Variants in PRKG1 observed in about 807,000 individuals in gnomAD.
The protein encoded by PRKG1 is protein kinase cGMP-dependent 1, also known as cGMP-dependent protein kinase 1.
In PRKG1, 35 loss-of-function variants were observed where a neutral mutation model predicts 88.1. That is an observed-to-expected ratio of 0.40 (90% CI 0.30 to 0.53). PRKG1 has a LOEUF of 0.53. Among genes scored for constraint, PRKG1 ranks in the 20% least tolerant of loss-of-function variants. The pLI is 0.59. For missense variants in PRKG1, 540 were observed against 839.8 expected, an observed-to-expected ratio of 0.64 and a Z score of 4.41; for synonymous variants, 303 against 292.5, an observed-to-expected ratio of 1.04 and a Z score of -0.37.
At chr10:51,628,616 A>G (rs924331562) in intron 3 of PRKG1, among the ~76,000 whole-genome samples, 2 of 152,232 alleles carry the variant, frequency 1.3e-5, no homozygotes, top group Non-Finnish European at 2.9e-5. Flanking sequence ...TAAATTAAGT[A>G]GACTATTCTG....
chr10:51,029,319 C>CTG (rs1389588661), intron 1 of PRKG1, among the ~76,000 whole-genome samples: 2 of 152,142 alleles, frequency 1.3e-5, no homozygotes, highest in Admixed American at 1.3e-4. Context: ...TAACCAAGGG[C>CTG]TGTGTCATCA....
intron 2 of PRKG1, among the ~76,000 whole-genome samples, chr10:51,180,387 G>A (rs1837312380): frequency 6.6e-6 from 1 of 152,152 alleles, no homozygotes; most frequent in Non-Finnish European, 1.5e-5. Context: ...GTTTGCTTTT[G>A]CTGTCTGCTT....
chr10:51,099,050 G>C (rs1844613263), intron 1 of PRKG1, among the ~76,000 whole-genome samples: 1 of 152,126 alleles, frequency 6.6e-6, no homozygotes, highest in Middle Eastern at 3.2e-3. Flanking sequence ...ACAGTCTATA[G>C]AACATTGCCT....
chr10:51,252,252 C>G (rs1429323855), intron 2 of PRKG1, among the ~76,000 whole-genome samples: 2 of 151,756 alleles, frequency 1.3e-5, no homozygotes, highest in East Asian at 3.8e-4. Context: ...AATTGCAAGT[C>G]TTCAGGTGAT....
At chr10:51,452,720 T>C (rs1839471553) in intron 2 of PRKG1, among the ~76,000 whole-genome samples, 2 of 152,108 alleles carry the variant, frequency 1.3e-5, no homozygotes, top group South Asian at 4.1e-4. Flanking sequence ...TTGTTGCATC[T>C]GTGTTCATCA....
intron 3 of PRKG1, among the ~76,000 whole-genome samples, chr10:51,652,774 G>A (rs145505062): frequency 1.2e-3 from 177 of 152,146 alleles, no homozygotes; most frequent in African/African-American, 4.0e-3. Flanking sequence ...TTTGAAATAT[G>A]CATTACTATT....
intron 3 of PRKG1, among the ~76,000 whole-genome samples, chr10:51,530,359 A>C (rs1437990776): frequency 6.6e-6 from 1 of 152,042 alleles, no homozygotes; most frequent in African/African-American, 2.4e-5. Context: ...GCTTTTCTTC[A>C]TATAGCAGAT....
At chr10:51,089,125 G>A (rs1284280846) in intron 1 of PRKG1, among the ~76,000 whole-genome samples, 1 of 152,082 alleles carries the variant, frequency 6.6e-6, no homozygotes, top group African/African-American at 2.4e-5. Flanking sequence ...GTCATGAAAA[G>A]TTCTTTCTAG....
At chr10:51,129,496 G>T (rs1213392454) in intron 1 of PRKG1, among the ~76,000 whole-genome samples, 1 of 151,774 alleles carries the variant, frequency 6.6e-6, no homozygotes, top group Non-Finnish European at 1.5e-5. Context: ...ACATAAACAG[G>T]AATATTTCCA....
intron 3 of PRKG1, among the ~76,000 whole-genome samples, chr10:51,748,195 G>A (rs1239414934): frequency 6.6e-6 from 1 of 152,206 alleles, no homozygotes; most frequent in African/African-American, 2.4e-5. Context: ...TCTCAAGACT[G>A]ACCATTATGC....
chr10:51,242,774 G>C (rs1213869378), intron 2 of PRKG1, among the ~76,000 whole-genome samples: 1 of 152,120 alleles, frequency 6.6e-6, no homozygotes, highest in African/African-American at 2.4e-5. Flanking sequence ...CCAATTTTTA[G>C]ATTAATTAGC....
At chr10:51,687,864 A>G (rs1267272862) in intron 3 of PRKG1, among the ~76,000 whole-genome samples, 3 of 152,176 alleles carry the variant, frequency 2.0e-5, no homozygotes, top group Non-Finnish European at 4.4e-5. Context: ...CCAAACAACA[A>G]TAATTTCAAT....
chr10:51,947,306 G>A (rs530020616), intron 5 of PRKG1, among the ~76,000 whole-genome samples: 7 of 152,288 alleles, frequency 4.6e-5, no homozygotes, highest in African/African-American at 1.2e-4. Flanking sequence ...CGTTTTTTAA[G>A]CTCGTCAGAA....
chr10:52,160,222 T>C (rs184099765), intron 8 of PRKG1, among the ~76,000 whole-genome samples: 2 of 152,068 alleles, frequency 1.3e-5, no homozygotes, highest in East Asian at 3.9e-4. Context: ...ACCAAGACAT[T>C]CTATGGGAAA....
At chr10:51,033,204 G>A (rs918530506) in intron 1 of PRKG1, among the ~76,000 whole-genome samples, 5 of 152,050 alleles carry the variant, frequency 3.3e-5, no homozygotes, top group South Asian at 2.1e-4. Context: ...TCATTTGGAC[G>A]TGCTTCCCTC....
chr10:52,102,837 A>C (rs1265006086), intron 7 of PRKG1, among the ~76,000 whole-genome samples: 1 of 152,114 alleles, frequency 6.6e-6, no homozygotes, highest in Non-Finnish European at 1.5e-5. Context: ...ATTTTATGAC[A>C]TAGACCATTC....
chr10:51,272,945 T>C (rs1245109464), intron 2 of PRKG1, among the ~76,000 whole-genome samples: 2 of 152,322 alleles, frequency 1.3e-5, no homozygotes, highest in Non-Finnish European at 2.9e-5. Flanking sequence ...TTCACCCTCT[T>C]CTAAGCTGAA....
rs151250234 is a variant in PRKG1, at chr10:51,490,735, T to C, written c.592+22899T>C. ...ATGTTAATACAGGTGCAGAGAGATA[T>C]GAGCTCTCACATATTCTTGGTGTGA... On this transcript the variant is annotated intron_variant, in intron 3 of 17. Transcript: ENST00000373980. Among the ~76,000 whole-genome samples the C allele has an allele frequency of 2.5e-4, 38 of 151,902 alleles. No homozygotes were observed. The East Asian group carries it at 7.2e-3, about 29-fold the overall frequency.
intron 1 of PRKG1, among the ~76,000 whole-genome samples, chr10:51,083,417 T>C (rs1844163992): frequency 6.6e-6 from 1 of 152,112 alleles, no homozygotes; most frequent in African/African-American, 2.4e-5. Context: ...TATCCAATGC[T>C]AAGTTGAAGG....
Sources: allele counts gnomAD v4.1 joint callset (sites outside exome capture counted in the v4.1 genomes callset), GRCh38; gene constraint gnomAD v4.1.1; transcripts MANE v1.5; gene names NCBI Gene and HGNC (gene_info 2026-07-23, HGNC 2026-07-21).